The following DERA variants were observed in gnomAD, a reference collection of about 807,000 sequenced individuals.
DERA encodes the protein 2-deoxy-D-ribose 5-phosphate aldolase.
In DERA, 15 loss-of-function variants were observed where a neutral mutation model predicts 41.1. That is an observed-to-expected ratio of 0.37 (90% CI 0.24 to 0.56). DERA has a LOEUF of 0.56. Ranked by LOEUF, DERA falls within the 20% of genes least tolerant of loss-of-function variation. The probability of loss-of-function intolerance (pLI) is 0.81; values close to 1 mark genes in which losing one functional copy is unlikely to be tolerated. For synonymous variants in DERA, 139 were observed against 137.4 expected (o/e 1.01, Z -0.08); for missense variants, 396 against 403.4 (o/e 0.98, Z 0.16).
intron 6 of DERA, among the ~76,000 whole-genome samples, chr12:16,025,775 T>G (rs528697185): frequency 6.6e-6 from 1 of 152,234 alleles, no homozygotes; most frequent in South Asian, 2.1e-4. Flanking sequence ...CATGGAACAT[T>G]AACCAAGATA....
At chr12:15,958,044 A>T in intron 2 of DERA, 144 bp from the exon 3 acceptor site, 1 of 546,104 alleles carries the variant, frequency 1.8e-6, no homozygotes. Flanking sequence ...TATATCATGT[A>T]TCAGGATATT....
rs1050374081 is a variant in DERA at position 16,009,657 on chromosome 12, G to T, written c.638-22885G>T. On this transcript the variant is annotated intron_variant, in intron 6 of 8. Transcript: ENST00000428559. This position sits in a 1 kb window ranked among gnomAD's most constrained non-coding sequence, Gnocchi z 5.3. The stretch of plus-strand genomic sequence containing the variant: ...ACAGCTGAATTTTTTTCTCACTAAG[G>T]TTTTATATTTTTAAGTTATCCATGT... Among the ~76,000 whole-genome samples, 1 of 151,930 alleles carries T rather than the reference G, an allele frequency of 6.6e-6. No homozygotes were observed. The highest frequency in any genetic ancestry group is 1.5e-5 in the Non-Finnish European group (1 of 68,000).
intron 6 of DERA, among the ~76,000 whole-genome samples, chr12:16,029,763 G>C (rs957033131): frequency 6.6e-6 from 1 of 152,120 alleles, no homozygotes; most frequent in Non-Finnish European, 1.5e-5. Context: ...TGCTGCCATA[G>C]TAGATCTTCT....
At chr12:15,955,337 G>A (rs574632742) in intron 1 of DERA, among the ~76,000 whole-genome samples, 72 of 152,058 alleles carry the variant, frequency 4.7e-4, no homozygotes, top group African/African-American at 1.5e-3. Flanking sequence ...TGAGTAGGGG[G>A]TGTTTCTTAC....
chr12:15,987,491 C>G (rs1225286433), intron 6 of DERA, among the ~76,000 whole-genome samples: 1 of 152,122 alleles, frequency 6.6e-6, no homozygotes. Context: ...CCTACCTTGA[C>G]CTCCCAAAGT....
chr12:15,952,528 A>G (rs961130375), intron 1 of DERA, among the ~76,000 whole-genome samples: 4 of 152,202 alleles, frequency 2.6e-5, no homozygotes, highest in Non-Finnish European at 4.4e-5. Flanking sequence ...TCAAGTGTAC[A>G]CATTATAAAA....
chr12:15,949,794 G>GTAGA (rs1188632448), intron 1 of DERA, among the ~76,000 whole-genome samples: 27 of 152,222 alleles, frequency 1.8e-4, no homozygotes, highest in African/African-American at 6.5e-4. Context: ...CGTTGCTCAT[G>GTAGA]CTGGGAGCTG....
Position 15,996,294 on chromosome 12 carries a change from T to C in DERA, c.637+13858T>C, listed in dbSNP as rs1391923304. On this transcript the variant is annotated intron_variant, in intron 6 of 8. Coordinates refer to ENST00000428559, the MANE Select transcript of DERA (RefSeq NM_015954.4). This position sits in a 1 kb window ranked among gnomAD's most constrained non-coding sequence, Gnocchi z 4.7. ...GTTTCTTGGGCTCGCTGTAACAGAGTACCGCAAATTAGATGGCCTTAAGCA... is the reference window on the plus strand; with the variant it reads ...GTTTCTTGGGCTCGCTGTAACAGAGCACCGCAAATTAGATGGCCTTAAGCA... Among the ~76,000 whole-genome samples, 1 of 151,830 alleles carries C rather than the reference T, an allele frequency of 6.6e-6. No homozygotes were observed.
chr12:16,003,037 G>T lies in DERA; in HGVS notation c.637+20601G>T, dbSNP rs889650705. Among the ~76,000 whole-genome samples the T allele has an allele frequency of 6.6e-6, 1 of 152,168 alleles. No individual in the cohort carries two copies. Among genetic ancestry groups the T allele is most frequent in the Admixed American group, 6.5e-5 (1 of 15,276 alleles). ...TGCCTTACACAACAGAAATTTATCT[G>T]AGAGTTCTGAGGGTTAGAAGTCTGA... On this transcript the variant is annotated intron_variant, in intron 6 of 8. Coordinates refer to ENST00000428559, the MANE Select transcript of DERA (RefSeq NM_015954.4). This position sits in a 1 kb window ranked among gnomAD's most constrained non-coding sequence, Gnocchi z 4.8.
chr12:15,931,595 T>A lies in DERA; in HGVS notation c.31+20181T>A, dbSNP rs568291128. ...TCTAAATGTGCTTTATTAAGTCTTTTATGGAGTTATCTTCATGAGAGCATG... is the reference window on the plus strand; with the variant it reads ...TCTAAATGTGCTTTATTAAGTCTTTAATGGAGTTATCTTCATGAGAGCATG... On this transcript the variant is annotated intron_variant, in intron 1 of 8. Coordinates refer to ENST00000428559, the MANE Select transcript of DERA (RefSeq NM_015954.4). The surrounding 1 kb of genome is among the most constrained non-coding windows in gnomAD (Gnocchi z 4.6). Among the ~76,000 whole-genome samples, 1 of 152,332 alleles carries A rather than the reference T, an allele frequency of 6.6e-6. No individual in the cohort carries two copies. Among genetic ancestry groups the A allele is most frequent in the Non-Finnish European group, 1.5e-5 (1 of 68,026 alleles).
At chr12:15,939,363 C>T (rs891918399) in intron 1 of DERA, among the ~76,000 whole-genome samples, 1 of 152,134 alleles carries the variant, frequency 6.6e-6, no homozygotes, top group Non-Finnish European at 1.5e-5. Flanking sequence ...AGAATGACTG[C>T]TGTTTTTAGC....
At chr12:15,950,794 T>C (rs1565593217) in intron 1 of DERA, among the ~76,000 whole-genome samples, 1 of 152,242 alleles carries the variant, frequency 6.6e-6, no homozygotes, top group African/African-American at 2.4e-5. Context: ...ATATAGTTAA[T>C]AGATATTTAT....
At position 15,924,830 on chromosome 12, in the gene DERA, T is replaced by G. The variant is rs1425609596; in HGVS notation, c.31+13416T>G. On this transcript the variant is annotated intron_variant, in intron 1 of 8. Coordinates refer to ENST00000428559, the MANE Select transcript of DERA (RefSeq NM_015954.4). The surrounding 1 kb of genome is among the most constrained non-coding windows in gnomAD (Gnocchi z 5.0). ...CACTGATCTGCTAAGATACTTTGCC[T>G]TCTTTTATGGTACCTACCAATTTCA... 6.6e-6 allele frequency among the ~76,000 whole-genome samples: 1 copy of G among 152,240 alleles called. No homozygotes were observed. Among genetic ancestry groups the G allele is most frequent in the African/African-American group, 2.4e-5 (1 of 41,470 alleles).
At chr12:16,029,027 A>AT (rs1949072190) in intron 6 of DERA, among the ~76,000 whole-genome samples, 1 of 152,230 alleles carries the variant, frequency 6.6e-6, no homozygotes, top group South Asian at 2.1e-4. Flanking sequence ...TACCATAATT[A>AT]TATAAGATAG....
In DERA at chr12:16,004,770, A is replaced by T. The variant is rs971686453; in HGVS notation, c.637+22334A>T. Among the ~76,000 whole-genome samples the T allele has an allele frequency of 9.2e-5, 14 of 152,182 alleles. No homozygotes were observed. Among genetic ancestry groups the T allele is most frequent in the African/African-American group, 2.7e-4 (11 of 41,452 alleles). ...GTTTATTAAATGTTTTTAAAAATTTAAAAAAATCCTACTAAAAACTAGGAG... is the reference window on the plus strand; with the variant it reads ...GTTTATTAAATGTTTTTAAAAATTTTAAAAAATCCTACTAAAAACTAGGAG... On this transcript the variant is annotated intron_variant, in intron 6 of 8. Coordinates refer to ENST00000428559, the MANE Select transcript of DERA (RefSeq NM_015954.4). This position sits in a 1 kb window ranked among gnomAD's most constrained non-coding sequence, Gnocchi z 4.2.
At chr12:16,023,483 T>TTC (rs1949031769) in intron 6 of DERA, among the ~76,000 whole-genome samples, 1 of 145,654 alleles carries the variant, frequency 6.9e-6, no homozygotes, top group African/African-American at 2.6e-5. Flanking sequence ...CTTTTTTTTT[T>TTC]TTTTTTTTTT....
intron 1 of DERA, among the ~76,000 whole-genome samples, chr12:15,952,527 C>T (rs1948506176): frequency 6.6e-6 from 1 of 151,878 alleles, no homozygotes; most frequent in Admixed American, 6.6e-5. Context: ...TTCAAGTGTA[C>T]ACATTATAAA....
Position 15,999,687 on chromosome 12 carries a change from C to T in DERA, c.637+17251C>T, listed in dbSNP as rs1948861694. Among the ~76,000 whole-genome samples the T allele has an allele frequency of 6.6e-6, 1 of 152,044 alleles. No individual in the cohort carries two copies. The highest frequency in any genetic ancestry group is 2.1e-4 in the South Asian group (1 of 4,818). ...TAGTAAATAGCTTGGAGTTTAAGGCCATGCTAAGGAATTGAAGTTTCGTGT... is the reference window on the plus strand; with the variant it reads ...TAGTAAATAGCTTGGAGTTTAAGGCTATGCTAAGGAATTGAAGTTTCGTGT... On this transcript the variant is annotated intron_variant, in intron 6 of 8. Coordinates refer to ENST00000428559, the MANE Select transcript of DERA (RefSeq NM_015954.4). This position sits in a 1 kb window ranked among gnomAD's most constrained non-coding sequence, Gnocchi z 5.3.
At position 15,960,939 on chromosome 12, in the gene DERA, G is replaced by C. The variant is rs1248053142; in HGVS notation, c.373+1015G>C. ...GGGCTCTGAAGACAGGGCAAAGGGG[G>C]AGATACAGGAGTTGAAGCTAGAGAG... On this transcript the variant is annotated intron_variant, in intron 4 of 8. Coordinates refer to ENST00000428559, the MANE Select transcript of DERA (RefSeq NM_015954.4). 2.0e-5 allele frequency among the ~76,000 whole-genome samples: 3 copies of C among 152,208 alleles called. No individual in the cohort carries two copies. The East Asian group carries it at 5.8e-4, about 29-fold the overall frequency.
Sources: gnomAD v4.1 joint callset for allele counts (sites outside exome capture counted in the v4.1 genomes callset) on GRCh38, gnomAD v4.1.1 for gene constraint, Gnocchi (gnomAD v3.1) non-coding constraint, MANE v1.5 for transcripts, NCBI Gene and HGNC (gene_info 2026-07-23, HGNC 2026-07-21) for gene names.